The following PPP1CC variants were observed in gnomAD, a reference collection of about 807,000 sequenced individuals.
PPP1CC encodes the protein serine/threonine-protein phosphatase PP1-gamma catalytic subunit.
In PPP1CC, 16 loss-of-function variants were observed where a neutral mutation model predicts 38.4. That is an observed-to-expected ratio of 0.42 (90% CI 0.28 to 0.63). The LOEUF (loss-of-function observed/expected upper bound fraction) is 0.63. Ranked by LOEUF, PPP1CC falls within the 30% of genes least tolerant of loss-of-function variation. The pLI is 0.25. For synonymous variants in PPP1CC, 158 were observed against 136.0 expected, an observed-to-expected ratio of 1.16 and a Z score of -1.13; for missense variants, 170 against 391.3, an observed-to-expected ratio of 0.43 and a Z score of 4.77.
At chr12:110,716,716 A>C (rs2069690578), downstream of PPP1CC, among the ~76,000 whole-genome samples, 1 of 152,214 alleles carries the variant, frequency 6.6e-6, no homozygotes, top group African/African-American at 2.4e-5. Flanking sequence ...TAATCCTCTA[A>C]CATATTTATC....
At chr12:110,736,496 T>C (rs2069946180) in intron 1 of PPP1CC, among the ~76,000 whole-genome samples, 2 of 152,022 alleles carry the variant, frequency 1.3e-5, no homozygotes, top group Admixed American at 6.6e-5. Context: ...ATACAAAATA[T>C]AGCTGGACAT....
rs1435387752 is a variant in PPP1CC at position 110,722,407 on chromosome 12, C to T, written c.747+65G>A. 4 of 1,583,106 alleles carry T rather than the reference C, an allele frequency of 2.5e-6. No individual in the cohort carries two copies. The highest frequency in any genetic ancestry group is 3.5e-6 in the Non-Finnish European group (4 of 1,153,324). On this transcript the variant is annotated intron_variant, in intron 5 of 6. Coordinates refer to ENST00000335007, the MANE Select transcript of PPP1CC (RefSeq NM_002710.4). The surrounding 1 kb of genome is among the most constrained non-coding windows in gnomAD (Gnocchi z 5.4). ...ATAAGCAATACCTACCCACCAAAAT[C>T]AACAAGGAGAATCTGTGCTCACACA...
At position 110,737,477 on chromosome 12, in the gene PPP1CC, C is replaced by CAAAA. The variant is rs71083137; in HGVS notation, c.55+5172_55+5175dup. On this transcript the variant is annotated intron_variant, in intron 1 of 6. Coordinates refer to ENST00000335007, the MANE Select transcript of PPP1CC (RefSeq NM_002710.4). ...CCAGCCTGGGTGACAAAGAAAGACT[C>CAAAA]AAAAAAAAAAAAAAAAAAAAAAAAG... 7.4e-3 allele frequency among the ~76,000 whole-genome samples: 312 copies of CAAAA among 42,432 alleles called. 2 individuals carry two copies. Among genetic ancestry groups the CAAAA allele is most frequent in the African/African-American group, 0.026 (243 of 9,516 alleles). The allele number at this position is 42,432 out of a possible 152,430, so 27.8% of individuals were successfully genotyped here.
chr12:110,740,795 A>C (rs1004252924), intron 1 of PPP1CC, among the ~76,000 whole-genome samples: 1 of 152,248 alleles, frequency 6.6e-6, no homozygotes, highest in Non-Finnish European at 1.5e-5. Context: ...TTATGAATAG[A>C]GGCAGTTATG....
chr12:110,731,669 A>G, intron 2 of PPP1CC, 101 bp downstream of exon 2: 1 of 1,328,432 alleles, frequency 7.5e-7, no homozygotes, highest in Non-Finnish European at 1.0e-6. Flanking sequence ...CTATTCGCAA[A>G]CAGGATAATC....
downstream of PPP1CC, chr12:110,719,544 A>C (rs1431029224): frequency 6.6e-6 from 1 of 152,432 alleles, no homozygotes; most frequent in Non-Finnish European, 1.5e-5. Context: ...AGAACTGTGC[A>C]TGAAAATATA....
rs372331230 is a variant in PPP1CC at position 110,725,044 on chromosome 12, T to C, written c.419-280A>G. The C allele has an allele frequency of 4.5e-5, 10 of 221,252 alleles. No individual in the cohort carries two copies. The South Asian group carries it at 6.2e-4, about 14-fold the overall frequency. 13.7% of individuals were successfully genotyped at this position (221,252 alleles called of 1,614,324 possible). A position where few individuals can be genotyped will look rare whatever the true frequency, so the allele number is the denominator to read the frequency against. Reference sequence around the variant, plus strand: ...TTCAAGACCATCTTGGGCAACATAGTGAGACCCCATCTCTTTAAAGAAAGA... The same window carrying C: ...TTCAAGACCATCTTGGGCAACATAGCGAGACCCCATCTCTTTAAAGAAAGA... On this transcript the variant is annotated intron_variant, in intron 3 of 6. Transcript: ENST00000335007.
At chr12:110,736,592 C>A (rs751364304) in intron 1 of PPP1CC, among the ~76,000 whole-genome samples, 9 of 152,068 alleles carry the variant, frequency 5.9e-5, no homozygotes, top group East Asian at 1.9e-4. Context: ...TGCATTGAGC[C>A]GAGATCATGC....
chr12:110,727,873 A>G (rs1163269642), intron 3 of PPP1CC, among the ~76,000 whole-genome samples: 1 of 152,196 alleles, frequency 6.6e-6, no homozygotes, highest in African/African-American at 2.4e-5. Flanking sequence ...CTTGAGCATA[A>G]GATCTACAAA....
chr12:110,712,460 T>C, the PPP1CC span, among the ~76,000 whole-genome samples: 2 of 142,980 alleles, frequency 1.4e-5, no homozygotes, highest in African/African-American at 2.6e-5. Flanking sequence ...GCAAATGTGG[T>C]GAAAACCCGT....
the PPP1CC span, among the ~76,000 whole-genome samples, chr12:110,713,893 G>T: frequency 6.6e-6 from 1 of 152,292 alleles, no homozygotes; most frequent in Non-Finnish European, 1.5e-5. Flanking sequence ...AGGTCCAGGG[G>T]TTTGAGACCA....
At chr12:110,728,310 A>G (rs1394516939) in intron 3 of PPP1CC, among the ~76,000 whole-genome samples, 3 of 151,332 alleles carry the variant, frequency 2.0e-5, no homozygotes, top group Admixed American at 6.6e-5. Context: ...GAGGCAGGAG[A>G]ATGGCGTGAA....
the PPP1CC span, among the ~76,000 whole-genome samples, chr12:110,708,677 C>T: frequency 1.5e-4 from 23 of 151,858 alleles, no homozygotes; most frequent in Non-Finnish European, 2.2e-4. Context: ...GGTGAAACCC[C>T]GCCTTTACTA....
At position 110,720,034 on chromosome 12, in the gene PPP1CC, T is replaced by C; in HGVS notation, c.*1042A>G. On this transcript the variant is annotated 3_prime_UTR_variant, in exon 7 of 7. Coordinates refer to ENST00000335007, the MANE Select transcript of PPP1CC (RefSeq NM_002710.4). ...AAAAAGTCATAGGTACTGTGAGTTC[T>C]GTATAAACTGGTGGACAGTAAGTTA... 3.9e-6 allele frequency: 4 copies of C among 1,035,354 alleles called. No individual in the cohort carries two copies. The highest frequency in any genetic ancestry group is 5.6e-6 in the Non-Finnish European group (4 of 719,056). 64.1% of individuals were successfully genotyped at this position (1,035,354 alleles called of 1,614,324 possible).
At chr12:110,732,253 A>G (rs952273828) in intron 1 of PPP1CC, 1 of 344,968 alleles carries the variant, frequency 2.9e-6, no homozygotes, top group African/African-American at 2.1e-5. Flanking sequence ...AGGTCAAGAG[A>G]TCCAGACCAT....
chr12:110,720,983 CT>C lies in PPP1CC; in HGVS notation c.*92del. 9.0e-7 allele frequency: 1 copy of C among 1,107,506 alleles called. No homozygotes were observed. Among genetic ancestry groups the C allele is most frequent in the South Asian group, 1.5e-5 (1 of 65,188 alleles). The allele number at this position is 1,107,506 out of a possible 1,614,324, so 68.6% of individuals were successfully genotyped here. On this transcript the variant is annotated 3_prime_UTR_variant, in exon 7 of 7. Coordinates refer to ENST00000335007, the MANE Select transcript of PPP1CC (RefSeq NM_002710.4). Reference sequence around the variant, plus strand: ...AGGGCCCCCACAAACACAGATCTATCTGAGCAAGCTGACCAGTACACATTAC... The same window carrying C: ...AGGGCCCCCACAAACACAGATCTATCGAGCAAGCTGACCAGTACACATTAC...
chr12:110,718,361 C>T (rs1270449605), downstream of PPP1CC, among the ~76,000 whole-genome samples: 2 of 152,178 alleles, frequency 1.3e-5, no homozygotes, highest in East Asian at 1.9e-4. Context: ...ACCCAGAATA[C>T]TTGACAAAAA....
intron 1 of PPP1CC, among the ~76,000 whole-genome samples, chr12:110,737,477 C>CAAAAAAAAAAAAAAAAAAAAAAAAAAA (rs71083137): frequency 2.1e-4 from 9 of 42,486 alleles, no homozygotes; most frequent in African/African-American, 5.2e-4. Context: ...AAGAAAGACT[C>CAAAAAAAAAAAAAAAAAAAAAAAAAAA]AAAAAAAAAA....
In PPP1CC at chr12:110,722,398, C is replaced by A. The variant is rs762178838; in HGVS notation, c.747+74G>T. The A allele has an allele frequency of 3.2e-6, 5 of 1,569,848 alleles. No homozygotes were observed. Among genetic ancestry groups the A allele is most frequent in the Non-Finnish European group, 4.4e-6 (5 of 1,141,844 alleles). On this transcript the variant is annotated intron_variant, in intron 5 of 6. Coordinates refer to ENST00000335007, the MANE Select transcript of PPP1CC (RefSeq NM_002710.4). The surrounding 1 kb of genome is among the most constrained non-coding windows in gnomAD (Gnocchi z 5.4). ...TTTGTATAAATAAGCAATACCTACC[C>A]ACCAAAATCAACAAGGAGAATCTGT...
Sources: gnomAD v4.1 joint callset for allele counts (sites outside exome capture counted in the v4.1 genomes callset) on GRCh38, gnomAD v4.1.1 for gene constraint, Gnocchi (gnomAD v3.1) non-coding constraint, MANE v1.5 for transcripts, NCBI Gene and HGNC (gene_info 2026-07-23, HGNC 2026-07-21) for gene names.